The following TMEM117 variants were observed in gnomAD, a reference collection of about 807,000 sequenced individuals.
TMEM117 encodes transmembrane protein 117.
A neutral mutation model predicts 52.4 loss-of-function variants in TMEM117; 27 were observed. That is an observed-to-expected ratio of 0.51 (90% CI 0.38 to 0.71). The LOEUF is 0.71. Ranked by LOEUF, TMEM117 falls within the 30% of genes least tolerant of loss-of-function variation. TMEM117 has a pLI of 0.00. For synonymous variants in TMEM117, 215 were observed against 206.3 expected (o/e 1.04, Z -0.36); for missense variants, 556 against 630.5 (o/e 0.88, Z 1.26).
intron 3 of TMEM117, among the ~76,000 whole-genome samples, chr12:44,001,929 T>C (rs575210768): frequency 6.6e-6 from 1 of 152,288 alleles, no homozygotes; most frequent in East Asian, 1.9e-4. Flanking sequence ...CATCCTTTCC[T>C]GTGACTCTCC....
chr12:44,304,936 G>A (rs74084486), intron 6 of TMEM117, among the ~76,000 whole-genome samples: 5,909 of 152,232 alleles, frequency 0.039, 386 homozygotes, highest in African/African-American at 0.13. Flanking sequence ...AAAGCAGAGT[G>A]AAGAGTAAAG....
At chr12:44,172,318 C>T (rs1949057522) in intron 4 of TMEM117, among the ~76,000 whole-genome samples, 1 of 152,334 alleles carries the variant, frequency 6.6e-6, no homozygotes, top group Middle Eastern at 3.4e-3. Context: ...CATGCTTCCT[C>T]TAAGCCACTA....
At chr12:44,152,449 TA>T (rs1247670443) in intron 4 of TMEM117, among the ~76,000 whole-genome samples, 1 of 116,206 alleles carries the variant, frequency 8.6e-6, no homozygotes, top group Non-Finnish European at 1.6e-5. Flanking sequence ...TTATATAATA[TA>T]AAAATTTTTA....
At chr12:44,277,759 A>C (rs1459195435) in intron 5 of TMEM117, among the ~76,000 whole-genome samples, 1 of 123,400 alleles carries the variant, frequency 8.1e-6, no homozygotes, top group Non-Finnish European at 1.6e-5. Context: ...CAAAACTCTG[A>C]GCTTTTTTTT....
chr12:44,263,240 CAT>C (rs879764623), intron 5 of TMEM117, among the ~76,000 whole-genome samples: 23 of 152,070 alleles, frequency 1.5e-4, no homozygotes, highest in South Asian at 6.2e-4. Context: ...GGTCAAAAAA[CAT>C]ATGAAAAAAA....
intron 5 of TMEM117, among the ~76,000 whole-genome samples, chr12:44,252,138 C>G (rs1950203626): frequency 6.6e-6 from 1 of 152,220 alleles, no homozygotes; most frequent in South Asian, 2.1e-4. Flanking sequence ...TCTGGTGACT[C>G]TGATCATGCT....
intron 6 of TMEM117, among the ~76,000 whole-genome samples, chr12:44,321,942 A>G (rs1951136097): frequency 6.6e-6 from 1 of 152,214 alleles, no homozygotes; most frequent in Non-Finnish European, 1.5e-5. Flanking sequence ...TGATGGAAAG[A>G]GAATGATAGT....
At chr12:44,240,269 C>T (rs1458727389) in intron 5 of TMEM117, among the ~76,000 whole-genome samples, 3 of 152,128 alleles carry the variant, frequency 2.0e-5, no homozygotes, top group African/African-American at 7.2e-5. Flanking sequence ...CAGTTTGAAT[C>T]TTCACATTCC....
At chr12:43,898,274 T>C (rs1944244631) in intron 2 of TMEM117, among the ~76,000 whole-genome samples, 1 of 151,872 alleles carries the variant, frequency 6.6e-6, no homozygotes, top group African/African-American at 2.4e-5. Context: ...GTGTAATTTT[T>C]CTCTTAGTAA....
At chr12:44,136,741 C>T (rs117327210) in intron 3 of TMEM117, among the ~76,000 whole-genome samples, 82 of 152,074 alleles carry the variant, frequency 5.4e-4, no homozygotes, top group East Asian at 3.1e-3. Context: ...AACTGACGTT[C>T]GAAGTAAGTA....
At chr12:44,074,146 A>G (rs1036647619) in intron 3 of TMEM117, among the ~76,000 whole-genome samples, 23 of 152,182 alleles carry the variant, frequency 1.5e-4, no homozygotes, top group Non-Finnish European at 2.9e-4. Flanking sequence ...TTGAAAAAAA[A>G]CCAACTTACC....
At chr12:43,853,443 T>G (rs1943345779) in intron 2 of TMEM117, among the ~76,000 whole-genome samples, 1 of 152,138 alleles carries the variant, frequency 6.6e-6, no homozygotes, top group South Asian at 2.1e-4. Context: ...ACCCAGCTAA[T>G]TTTTGTATTT....
At chr12:44,202,775 C>T (rs991006664) in intron 4 of TMEM117, among the ~76,000 whole-genome samples, 1 of 149,492 alleles carries the variant, frequency 6.7e-6, no homozygotes, top group South Asian at 2.1e-4. Context: ...TGGTCCAGGA[C>T]TCCTTTGGAA....
chr12:44,122,369 G>A (rs1364800206), intron 3 of TMEM117, among the ~76,000 whole-genome samples: 1 of 152,048 alleles, frequency 6.6e-6, no homozygotes, highest in Non-Finnish European at 1.5e-5. Context: ...TGGCTGTGTA[G>A]TATTTCATGG....
intron 5 of TMEM117, among the ~76,000 whole-genome samples, chr12:44,225,456 A>G (rs1949848327): frequency 6.6e-6 from 1 of 152,194 alleles, no homozygotes; most frequent in Non-Finnish European, 1.5e-5. Context: ...AAACTATCAA[A>G]GGCAATTTAG....
At chr12:44,226,532 T>A (rs1949863720) in intron 5 of TMEM117, among the ~76,000 whole-genome samples, 1 of 151,878 alleles carries the variant, frequency 6.6e-6, no homozygotes, top group Non-Finnish European at 1.5e-5. Context: ...TGTACACATA[T>A]AATATACATG....
At chr12:44,272,772 G>C (rs927140678) in intron 5 of TMEM117, among the ~76,000 whole-genome samples, 12 of 152,196 alleles carry the variant, frequency 7.9e-5, no homozygotes, top group African/African-American at 2.7e-4. Context: ...CACTGTTAGT[G>C]GGACTGTAAA....
At chr12:44,293,925 T>C (rs781069123) in intron 5 of TMEM117, among the ~76,000 whole-genome samples, 1 of 152,128 alleles carries the variant, frequency 6.6e-6, no homozygotes, top group Non-Finnish European at 1.5e-5. Context: ...TTTTGTTAAT[T>C]AGCATCTTTT....
chr12:44,387,045 A>G (rs17094581), intron 7 of TMEM117, among the ~76,000 whole-genome samples: 2,373 of 152,048 alleles, frequency 0.016, 59 homozygotes, highest in African/African-American at 0.053. Flanking sequence ...AACCTGGTAC[A>G]TACGTCCCCT....
Sources: allele counts gnomAD v4.1 joint callset (sites outside exome capture counted in the v4.1 genomes callset), GRCh38; gene constraint gnomAD v4.1.1; transcripts MANE v1.5; gene names NCBI Gene and HGNC (gene_info 2026-07-23, HGNC 2026-07-21).